The following PAPSS2 variants were observed in gnomAD, a reference collection of about 807,000 sequenced individuals.
PAPSS2 encodes bifunctional 3'-phosphoadenosine 5'-phosphosulfate synthase 2.
Under a neutral mutation model 66.5 loss-of-function variants are expected in PAPSS2, and 61 were observed. That is an observed-to-expected ratio of 0.92 (90% CI 0.75 to 1.14). PAPSS2 has a LOEUF of 1.14. Ranked by LOEUF, PAPSS2 falls within the 50% of genes most tolerant of loss-of-function variation. The pLI is 0.00. For missense variants in PAPSS2, 708 were observed against 789.6 expected, an observed-to-expected ratio of 0.90 and a Z score of 1.24; for synonymous variants, 289 against 287.5, an observed-to-expected ratio of 1.01 and a Z score of -0.05.
Position 87,675,971 on chromosome 10 carries a change from CTT to C in PAPSS2, c.27+15984_27+15985del, listed in dbSNP as rs5786787. On this transcript the variant is annotated intron_variant, in intron 1 of 12. Transcript: ENST00000456849. ...AAAGCTATTTTCCCTTTCCACATTT[CTT>C]TTTTTTTTTTTTTTTTTTTTAATGT... Among the ~76,000 whole-genome samples, 273 of 127,904 alleles carry C rather than the reference CTT, an allele frequency of 2.1e-3. 6 individuals carry two copies. The highest frequency in any genetic ancestry group is 8.2e-3 in the Middle Eastern group (2 of 244). 83.9% of individuals were successfully genotyped at this position (127,904 alleles called of 152,430 possible).
intron 1 of PAPSS2, chr10:87,660,304 A>C: frequency 3.5e-6 from 2 of 564,088 alleles, no homozygotes; most frequent in Non-Finnish European, 6.3e-6. Context: ...TAGATCCAGG[A>C]CCAGGGACAG....
At chr10:87,680,483 T>C (rs1161446634) in intron 1 of PAPSS2, among the ~76,000 whole-genome samples, 1 of 152,158 alleles carries the variant, frequency 6.6e-6, no homozygotes, top group Non-Finnish European at 1.5e-5. Context: ...GAAGGAGCCA[T>C]GGTGGGTCTG....
At chr10:87,731,800 A>G (rs1175336792) in intron 9 of PAPSS2, among the ~76,000 whole-genome samples, 2 of 152,228 alleles carry the variant, frequency 1.3e-5, no homozygotes, top group Admixed American at 1.3e-4. Flanking sequence ...TTGCAATCTC[A>G]TGATAGAATT....
At chr10:87,736,680 A>G (rs1453426352) in intron 9 of PAPSS2, among the ~76,000 whole-genome samples, 1 of 152,218 alleles carries the variant, frequency 6.6e-6, no homozygotes, top group Non-Finnish European at 1.5e-5. Context: ...TAAAAGTTAC[A>G]TGTGTAACTA....
Position 87,736,337 on chromosome 10 carries a change from G to A in PAPSS2, c.1087-4898G>A, listed in dbSNP as rs192700293. On this transcript the variant is annotated intron_variant, in intron 9 of 12. Transcript: ENST00000456849. ...GGCTGGAGTGCAGTGGCGAGACCCC[G>A]GCTCACTGCAACCTCCGCCTCCCAG... 1.9e-4 allele frequency among the ~76,000 whole-genome samples: 27 copies of A among 139,306 alleles called. No homozygotes were observed. In the East Asian group the frequency reaches 5.4e-3, roughly 28 times the overall value. 91.4% of individuals were successfully genotyped at this position (139,306 alleles called of 152,430 possible).
At chr10:87,702,390 C>G (rs1032733326) in intron 1 of PAPSS2, among the ~76,000 whole-genome samples, 13 of 152,344 alleles carry the variant, frequency 8.5e-5, no homozygotes, top group African/African-American at 3.1e-4. Flanking sequence ...AATGCTCAGT[C>G]TCTATGGCTC....
chr10:87,710,490 T>A (rs1853450441), intron 2 of PAPSS2, among the ~76,000 whole-genome samples: 1 of 152,132 alleles, frequency 6.6e-6, no homozygotes. Context: ...GAAGATCCCC[T>A]CCTGTTATAT....
intron 11 of PAPSS2, among the ~76,000 whole-genome samples, chr10:87,744,531 T>C (rs1016034008): frequency 1.3e-5 from 2 of 152,222 alleles, no homozygotes; most frequent in African/African-American, 4.8e-5. Flanking sequence ...TCCTTTGTAT[T>C]GCTATCTGAG....
intron 1 of PAPSS2, among the ~76,000 whole-genome samples, chr10:87,672,327 T>G (rs1217948654): frequency 1.3e-5 from 2 of 152,234 alleles, no homozygotes; most frequent in Non-Finnish European, 2.9e-5. Flanking sequence ...ATTATATGGC[T>G]TCATTTTCAT....
intron 1 of PAPSS2, among the ~76,000 whole-genome samples, chr10:87,689,503 C>T (rs1481151939): frequency 6.6e-6 from 1 of 151,498 alleles, no homozygotes; most frequent in Non-Finnish European, 1.5e-5. Context: ...CCCGTCTCTA[C>T]TAAATACAAA....
chr10:87,746,164 A>C lies in PAPSS2; in HGVS notation c.*194A>C. On this transcript the variant is annotated 3_prime_UTR_variant, in exon 13 of 13. Coordinates refer to ENST00000456849, the MANE Select transcript of PAPSS2 (RefSeq NM_001015880.2). The stretch of plus-strand genomic sequence containing the variant: ...ATATACATACAAAGTCAAACTGAAG[A>C]CCAAATCTTAGCAGGTAAAAGCAAT... 2 of 441,094 alleles carry C rather than the reference A, an allele frequency of 4.5e-6. No individual in the cohort carries two copies. The highest frequency in any genetic ancestry group is 7.8e-6 in the Non-Finnish European group (2 of 255,302). 27.3% of individuals were successfully genotyped at this position (441,094 alleles called of 1,614,324 possible).
intron 2 of PAPSS2, among the ~76,000 whole-genome samples, chr10:87,710,621 C>T (rs1291460630): frequency 1.3e-5 from 2 of 152,150 alleles, no homozygotes; most frequent in Non-Finnish European, 2.9e-5. Context: ...AGAAGAGAAA[C>T]ATATCTAAAG....
chr10:87,665,305 G>A (rs1589416505), intron 1 of PAPSS2, among the ~76,000 whole-genome samples: 2 of 152,028 alleles, frequency 1.3e-5, no homozygotes, highest in South Asian at 2.1e-4. Context: ...TCCGCCTTCC[G>A]GGTTCACGCC....
intron 1 of PAPSS2, among the ~76,000 whole-genome samples, chr10:87,682,960 TG>T (rs1003141766): frequency 6.6e-6 from 1 of 152,228 alleles, no homozygotes; most frequent in African/African-American, 2.4e-5. Context: ...CCATAAATTC[TG>T]AGGGCAGTGC....
chr10:87,731,853 C>A (rs1022896229), intron 9 of PAPSS2, among the ~76,000 whole-genome samples: 1 of 152,120 alleles, frequency 6.6e-6, no homozygotes, highest in Non-Finnish European at 1.5e-5. Flanking sequence ...GCAAATAAAT[C>A]GTTTTTTTGA....
At chr10:87,710,211 G>C (rs1213029661) in intron 2 of PAPSS2, among the ~76,000 whole-genome samples, 2 of 152,176 alleles carry the variant, frequency 1.3e-5, no homozygotes, top group African/African-American at 4.8e-5. Context: ...ATCTTTTCTT[G>C]CTGTCCTAAA....
rs567878398 is a variant in PAPSS2, at chr10:87,718,378, G to A, written c.865+2535G>A. Reference sequence around the variant, plus strand: ...TATTTGATGCTCACTACCGTGAGGTGGATGAAGCACTTATTATTGCTCCCA... The same window carrying A: ...TATTTGATGCTCACTACCGTGAGGTAGATGAAGCACTTATTATTGCTCCCA... On this transcript the variant is annotated intron_variant, in intron 7 of 12. Coordinates refer to ENST00000456849, the MANE Select transcript of PAPSS2 (RefSeq NM_001015880.2). Among the ~76,000 whole-genome samples, 10 of 152,232 alleles carry A rather than the reference G, an allele frequency of 6.6e-5. No individual in the cohort carries two copies. In the South Asian group the frequency reaches 1.9e-3, roughly 28 times the overall value.
chr10:87,736,411 G>A (rs887648188), intron 9 of PAPSS2, among the ~76,000 whole-genome samples: 1 of 151,774 alleles, frequency 6.6e-6, no homozygotes, highest in Non-Finnish European at 1.5e-5. Flanking sequence ...GGGATTACAG[G>A]TGCCCGCCAC....
At chr10:87,699,812 TAA>T (rs11378998) in intron 1 of PAPSS2, among the ~76,000 whole-genome samples, 56 of 135,584 alleles carry the variant, frequency 4.1e-4, no homozygotes, top group Non-Finnish European at 4.5e-4. Context: ...ATCATGCCAC[TAA>T]AAAAAAAAAA....
Sources: gnomAD v4.1 joint callset for allele counts (sites outside exome capture counted in the v4.1 genomes callset) on GRCh38, gnomAD v4.1.1 for gene constraint, MANE v1.5 for transcripts, NCBI Gene and HGNC (gene_info 2026-07-23, HGNC 2026-07-21) for gene names.